The following PRKAR2B variants were observed in gnomAD, a reference collection of about 807,000 sequenced individuals.
PRKAR2B encodes the protein cAMP-dependent protein kinase type II-beta regulatory subunit.
PRKAR2B carries 14 observed loss-of-function variants against 49.9 expected under a neutral mutation model. The observed-to-expected ratio is 0.28, with a 90% CI of 0.19 to 0.44. PRKAR2B has a LOEUF of 0.44. PRKAR2B is among the 20% of genes least tolerant of loss of function. The pLI is 1.00. For synonymous variants in PRKAR2B, 196 were observed against 197.7 expected, an observed-to-expected ratio of 0.99 and a Z score of 0.07; for missense variants, 393 against 537.9, an observed-to-expected ratio of 0.73 and a Z score of 2.67.
In PRKAR2B at chr7:107,157,303, A is replaced by G. The variant is rs1184321840; in HGVS notation, c.1102A>G (p.Ile368Val). The G allele has an allele frequency of 1.9e-6, 3 of 1,613,712 alleles. No homozygotes were observed. Among genetic ancestry groups the G allele is most frequent in the African/African-American group, 1.3e-5 (1 of 74,922 alleles). Residue 368 changes from isoleucine to valine, a missense_variant, in exon 10 of 11, where the codon ATT (isoleucine) becomes GTT (valine). By Grantham distance (29) the Ile-to-Val change is conservative. Around this residue, in one of 2 missense-constraint regions of PRKAR2B, gnomAD observed 233 missense variants for 390.4 expected, o/e 0.60. Transcript: ENST00000265717. Reference sequence around the variant, plus strand: ...ACCTCGAGCAGCTTCTGCCCACGCCATTGGGACTGTCAAATGTTTAGGTAG... The same window carrying G: ...ACCTCGAGCAGCTTCTGCCCACGCCGTTGGGACTGTCAAATGTTTAGGTAG... ...NKPRAASAHA[I>V]GTVKCLAMDV...
At chr7:107,073,526 CAGAAGA>C (rs1052042409) in intron 2 of PRKAR2B, among the ~76,000 whole-genome samples, 1 of 152,004 alleles carries the variant, frequency 6.6e-6, no homozygotes, top group African/African-American at 2.4e-5. Context: ...AGATGGGCAC[CAGAAGA>C]ATAGGACCCA....
chr7:107,132,241 G>T (rs1413033518), intron 4 of PRKAR2B, among the ~76,000 whole-genome samples: 1 of 152,158 alleles, frequency 6.6e-6, no homozygotes, highest in Non-Finnish European at 1.5e-5. Flanking sequence ...GTGATGGATG[G>T]CCTCCATCTA....
intron 1 of PRKAR2B, among the ~76,000 whole-genome samples, chr7:107,066,297 G>T (rs1562844565): frequency 9.8e-6 from 1 of 101,612 alleles, no homozygotes; most frequent in African/African-American, 4.8e-5. Flanking sequence ...TTCTCTCTAT[G>T]TGGGGTGTGT....
intron 2 of PRKAR2B, among the ~76,000 whole-genome samples, chr7:107,112,238 A>G (rs1795190746): frequency 6.6e-5 from 10 of 150,782 alleles, no homozygotes; most frequent in Admixed American, 6.6e-4. Context: ...TCTAATTAAT[A>G]CTGACTTTTA....
At chr7:107,145,301 G>A (rs927717683) in intron 5 of PRKAR2B, among the ~76,000 whole-genome samples, 2 of 152,154 alleles carry the variant, frequency 1.3e-5, no homozygotes, top group African/African-American at 2.4e-5. Context: ...ATTTACAAAA[G>A]CAGATAGCCA....
intron 4 of PRKAR2B, among the ~76,000 whole-genome samples, chr7:107,131,488 T>C (rs1795602874): frequency 6.6e-6 from 1 of 152,238 alleles, no homozygotes; most frequent in Admixed American, 6.5e-5. Flanking sequence ...TTTTTTTCAC[T>C]GCTTTGCTGA....
intron 4 of PRKAR2B, among the ~76,000 whole-genome samples, chr7:107,131,543 A>C (rs1168086968): frequency 6.6e-6 from 1 of 152,210 alleles, no homozygotes; most frequent in Non-Finnish European, 1.5e-5. Flanking sequence ...GGGAAAAAAC[A>C]TCCAGTTTCT....
rs376948787 is a variant in PRKAR2B, at chr7:107,156,917, A to G, written c.919-67A>G. ...GGTTGGATCAATTTTAGGGATATGA[A>G]AGGTAACAAGATTGTTGTCAATTAA... On this transcript the variant is annotated intron_variant, in intron 8 of 10. Coordinates refer to ENST00000265717, the MANE Select transcript of PRKAR2B (RefSeq NM_002736.3). 1,512 of 1,364,830 alleles carry G rather than the reference A, an allele frequency of 1.1e-3. 4 individuals are homozygous for G. The highest frequency in any genetic ancestry group is 1.5e-3 in the Non-Finnish European group (1,412 of 956,538). The allele number at this position is 1,364,830 out of a possible 1,614,324, so 84.5% of individuals were successfully genotyped here.
chr7:107,156,980 A>G lies in PRKAR2B; in HGVS notation c.919-4A>G. The G allele has an allele frequency of 1.2e-6, 2 of 1,606,220 alleles. No individual in the cohort carries two copies. The highest frequency in any genetic ancestry group is 1.7e-6 in the Non-Finnish European group (2 of 1,173,036). On this transcript the variant is annotated splice_polypyrimidine_tract_variant and splice_region_variant and intron_variant, in intron 8 of 10. Transcript: ENST00000265717. ...CCGTCTGTTTTTGTTATTGATTCCA[A>G]TAGGGAGATTCGGCTGATTCTTTTT... is the stretch of plus-strand genomic sequence containing the variant.
rs1220676303 is a variant in PRKAR2B at position 107,077,844 on chromosome 7, A to C, written c.343+7528A>C. The C allele has an allele frequency of 2.0e-5, 3 of 152,198 alleles. No individual in the cohort carries two copies. In the East Asian group the frequency reaches 5.8e-4, roughly 29 times the overall value. The allele number at this position is 152,198 out of a possible 1,614,324, so 9.4% of individuals were successfully genotyped here. On this transcript the variant is annotated intron_variant, in intron 2 of 10. Transcript: ENST00000265717. ...TAAGGCTTAGTTTCTCTGGGTATAA[A>C]ATGGGGATAATACCTAACTCACAAG...
intron 1 of PRKAR2B, among the ~76,000 whole-genome samples, chr7:107,059,668 C>G (rs185350806): frequency 1.7e-4 from 25 of 149,342 alleles, no homozygotes; most frequent in Non-Finnish European, 3.1e-4. Context: ...TTGGTTGTTC[C>G]CAATTTTTTG....
intron 2 of PRKAR2B, among the ~76,000 whole-genome samples, chr7:107,101,135 A>ATTTTTTTTTTTTTT (rs950761298): frequency 6.3e-5 from 6 of 94,690 alleles, no homozygotes; most frequent in Admixed American, 1.2e-4. Flanking sequence ...GTTGTTGCTT[A>ATTTTTTTTTTTTTT]TTTTTTTTTT....
chr7:107,108,948 A>G (rs1388365819), intron 2 of PRKAR2B, among the ~76,000 whole-genome samples: 1 of 152,244 alleles, frequency 6.6e-6, no homozygotes, highest in Non-Finnish European at 1.5e-5. Flanking sequence ...TGACTGCTCC[A>G]TAGACAGAGC....
chr7:107,160,602 C>T lies in PRKAR2B; in HGVS notation c.*1020C>T, dbSNP rs115401858. The T allele has an allele frequency of 2.6e-3, 395 of 152,230 alleles. 1 individual carries two copies. Among genetic ancestry groups the T allele is most frequent in the African/African-American group, 8.8e-3 (367 of 41,538 alleles). 9.4% of individuals were successfully genotyped at this position (152,230 alleles called of 1,614,324 possible). A position where few individuals can be genotyped will look rare whatever the true frequency, so the allele number is the denominator to read the frequency against. Reference sequence around the variant, plus strand: ...CGTTCTTTCTTAGGATGGTTGCCAACCCACAATCTCATTGATCAGCAGCCA... The same window carrying T: ...CGTTCTTTCTTAGGATGGTTGCCAATCCACAATCTCATTGATCAGCAGCCA... On this transcript the variant is annotated 3_prime_UTR_variant, in exon 11 of 11. Coordinates refer to ENST00000265717, the MANE Select transcript of PRKAR2B (RefSeq NM_002736.3).
At chr7:107,104,486 TG>T (rs909012571) in intron 2 of PRKAR2B, among the ~76,000 whole-genome samples, 1 of 152,106 alleles carries the variant, frequency 6.6e-6, no homozygotes, top group African/African-American at 2.4e-5. Context: ...TGGGCCTCGT[TG>T]GGGGGGTATA....
intron 1 of PRKAR2B, among the ~76,000 whole-genome samples, chr7:107,051,210 C>A (rs1793794334): frequency 6.6e-6 from 1 of 152,136 alleles, no homozygotes; most frequent in Non-Finnish European, 1.5e-5. Context: ...TTTCTGTCTT[C>A]CATCAAGTTG....
chr7:107,099,111 A>T (rs1273933125), intron 2 of PRKAR2B, among the ~76,000 whole-genome samples: 1 of 152,210 alleles, frequency 6.6e-6, no homozygotes, highest in African/African-American at 2.4e-5. Context: ...CCCTGCTGCC[A>T]GAGGTGGAGT....
chr7:107,096,578 C>T (rs1246948648), intron 2 of PRKAR2B, among the ~76,000 whole-genome samples: 8 of 151,358 alleles, frequency 5.3e-5, no homozygotes, highest in Non-Finnish European at 1.0e-4. Flanking sequence ...GGTCTTGCTT[C>T]TCTAGTTCTT....
At chr7:107,054,882 T>C (rs1584401975) in intron 1 of PRKAR2B, among the ~76,000 whole-genome samples, 1 of 152,220 alleles carries the variant, frequency 6.6e-6, no homozygotes, top group Non-Finnish European at 1.5e-5. Flanking sequence ...TACATATGTA[T>C]ACATGTGCCA....
Sources: allele counts gnomAD v4.1 joint callset (sites outside exome capture counted in the v4.1 genomes callset), GRCh38; gene constraint gnomAD v4.1.1; regional missense constraint gnomAD v4.1.1; transcripts MANE v1.5; gene names NCBI Gene and HGNC (gene_info 2026-07-23, HGNC 2026-07-21).